The following NKAIN2 variants were observed in gnomAD, a reference collection of about 807,000 sequenced individuals.
The protein encoded by NKAIN2 is sodium/potassium transporting ATPase interacting 2.
A neutral mutation model predicts 32.6 loss-of-function variants in NKAIN2; 14 were observed. That is an observed-to-expected ratio of 0.43 (90% CI 0.28 to 0.67). NKAIN2 has a LOEUF of 0.67. NKAIN2 is among the 30% of genes least tolerant of loss of function. NKAIN2 has a pLI of 0.17. For synonymous variants in NKAIN2, 80 were observed against 87.2 expected, an observed-to-expected ratio of 0.92 and a Z score of 0.46; for missense variants, 198 against 258.3, an observed-to-expected ratio of 0.77 and a Z score of 1.60.
intron 2 of NKAIN2, among the ~76,000 whole-genome samples, chr6:124,311,158 A>G (rs1388907083): frequency 6.6e-6 from 1 of 152,148 alleles, no homozygotes; most frequent in East Asian, 1.9e-4. Context: ...GTGAAAGCAG[A>G]AAGAGGGGAC....
chr6:124,722,578 G>C (rs1776077024), intron 4 of NKAIN2, among the ~76,000 whole-genome samples: 1 of 152,146 alleles, frequency 6.6e-6, no homozygotes, highest in Admixed American at 6.6e-5. Flanking sequence ...GTTCACTATA[G>C]GGTCTGTGCT....
At position 124,032,865 on chromosome 6, in the gene NKAIN2, T is replaced by C. The variant is rs146622889; in HGVS notation, c.54+228611T>C. On this transcript the variant is annotated intron_variant, in intron 1 of 6. Coordinates refer to ENST00000368417, the MANE Select transcript of NKAIN2 (RefSeq NM_001040214.3). ...CAATGAAGGCCATATAGGAATAGTA[T>C]TAACAATATTTCCTCTCTGGTAATG... Among the ~76,000 whole-genome samples, 114 of 152,212 alleles carry C rather than the reference T, an allele frequency of 7.5e-4. 1 individual carries two copies. The highest frequency in any genetic ancestry group is 2.7e-3 in the African/African-American group (112 of 41,574).
intron 4 of NKAIN2, among the ~76,000 whole-genome samples, chr6:124,725,977 C>T (rs375218825): frequency 6.6e-6 from 1 of 152,208 alleles, no homozygotes; most frequent in African/African-American, 2.4e-5. Context: ...GTCACTCCCA[C>T]CCGAATACTG....
chr6:124,751,927 A>C (rs1777742378), intron 4 of NKAIN2, among the ~76,000 whole-genome samples: 1 of 152,050 alleles, frequency 6.6e-6, no homozygotes, highest in Non-Finnish European at 1.5e-5. Context: ...GGCTGCAGTG[A>C]GCTGTGGTTG....
intron 3 of NKAIN2, among the ~76,000 whole-genome samples, chr6:124,405,417 A>G (rs1024155061): frequency 6.6e-6 from 1 of 152,180 alleles, no homozygotes; most frequent in Admixed American, 6.5e-5. Context: ...TTCCCTATCT[A>G]GAAATGTAGG....
At chr6:123,959,084 G>C (rs1423934654) in intron 1 of NKAIN2, among the ~76,000 whole-genome samples, 1 of 152,172 alleles carries the variant, frequency 6.6e-6, no homozygotes, top group Non-Finnish European at 1.5e-5. Context: ...ACAGAGGAAA[G>C]AGAGTTTGTG....
chr6:124,031,586 T>A (rs867802222), intron 1 of NKAIN2, among the ~76,000 whole-genome samples: 3 of 152,190 alleles, frequency 2.0e-5, no homozygotes, highest in Non-Finnish European at 4.4e-5. Context: ...TTTAAATGTG[T>A]CCCAGAGATT....
intron 4 of NKAIN2, among the ~76,000 whole-genome samples, chr6:124,714,626 A>G (rs1775661983): frequency 6.6e-6 from 1 of 152,208 alleles, no homozygotes; most frequent in African/African-American, 2.4e-5. Flanking sequence ...AAAGTAAGAG[A>G]AGTTTCGCAG....
rs1369924358 is a variant in NKAIN2 at position 124,730,888 on chromosome 6, A to C, written c.475-60451A>C. The stretch of plus-strand genomic sequence containing the variant: ...AGAAAAAAACAAACAACCCCATCAA[A>C]AAGTGGGCGAAGGACATGAACAGAC... On this transcript the variant is annotated intron_variant, in intron 4 of 6. Coordinates refer to ENST00000368417, the MANE Select transcript of NKAIN2 (RefSeq NM_001040214.3). Among the ~76,000 whole-genome samples the C allele has an allele frequency of 3.7e-5, 5 of 135,488 alleles. 1 individual carries two copies. The highest frequency in any genetic ancestry group is 6.3e-5 in the Non-Finnish European group (4 of 63,474). 88.9% of individuals were successfully genotyped at this position (135,488 alleles called of 152,430 possible).
At position 124,590,249 on chromosome 6, in the gene NKAIN2, T is replaced by C. The variant is rs150466744; in HGVS notation, c.274-67937T>C. On this transcript the variant is annotated intron_variant, in intron 3 of 6. Coordinates refer to ENST00000368417, the MANE Select transcript of NKAIN2 (RefSeq NM_001040214.3). ...CAACAACTGCTACTGTGCTCAGAGG[T>C]GGTGCCTCACATCTAGTGTCAGGTC... Among the ~76,000 whole-genome samples, 16 of 152,294 alleles carry C rather than the reference T, an allele frequency of 1.1e-4. No homozygotes were observed. In the East Asian group the frequency reaches 2.3e-3, roughly 22 times the overall value.
chr6:124,612,650 C>T (rs1782735921), intron 3 of NKAIN2, among the ~76,000 whole-genome samples: 1 of 152,094 alleles, frequency 6.6e-6, no homozygotes, highest in Non-Finnish European at 1.5e-5. Flanking sequence ...ACTTTCTTTG[C>T]CTATAAAATG....
chr6:124,274,159 G>T (rs879186354), intron 1 of NKAIN2, among the ~76,000 whole-genome samples: 2 of 152,108 alleles, frequency 1.3e-5, no homozygotes, highest in Non-Finnish European at 2.9e-5. Context: ...TGCCTCTGCA[G>T]TATTATTATT....
At chr6:123,927,060 G>A (rs1482716412) in intron 1 of NKAIN2, among the ~76,000 whole-genome samples, 2 of 152,122 alleles carry the variant, frequency 1.3e-5, no homozygotes, top group African/African-American at 4.8e-5. Context: ...ACACCTCTGG[G>A]GTTATAAGCT....
chr6:123,847,019 G>A (rs1775123045), intron 1 of NKAIN2, among the ~76,000 whole-genome samples: 2 of 152,162 alleles, frequency 1.3e-5, no homozygotes, highest in Non-Finnish European at 2.9e-5. Flanking sequence ...TGTTGACTAG[G>A]AATACATTCT....
chr6:123,998,985 T>C (rs1258934465), intron 1 of NKAIN2, among the ~76,000 whole-genome samples: 64 of 151,998 alleles, frequency 4.2e-4, no homozygotes, highest in Admixed American at 4.2e-3. Context: ...ATTAATAAAA[T>C]TAATTATGTA....
chr6:124,566,184 T>G (rs1416123898), intron 3 of NKAIN2, among the ~76,000 whole-genome samples: 2 of 152,242 alleles, frequency 1.3e-5, no homozygotes, highest in Non-Finnish European at 2.9e-5. Context: ...CATGGCAAAC[T>G]AATTTTAGTG....
At chr6:124,286,644 G>T (rs1288365923) in intron 2 of NKAIN2, among the ~76,000 whole-genome samples, 2 of 103,676 alleles carry the variant, frequency 1.9e-5, no homozygotes, top group East Asian at 5.7e-4. Context: ...TTGGAAAATT[G>T]TGTGTGTGTG....
chr6:123,976,140 T>C (rs967511881), intron 1 of NKAIN2, among the ~76,000 whole-genome samples: 1 of 150,944 alleles, frequency 6.6e-6, no homozygotes, highest in African/African-American at 2.4e-5. Flanking sequence ...GAACTGTGAG[T>C]TCATTAAACC....
At chr6:124,724,186 T>C (rs912174680) in intron 4 of NKAIN2, among the ~76,000 whole-genome samples, 1 of 150,820 alleles carries the variant, frequency 6.6e-6, no homozygotes, top group Admixed American at 6.6e-5. Flanking sequence ...TCTAGAGAGG[T>C]TTAAATACTA....
Sources: allele counts gnomAD v4.1 joint callset (sites outside exome capture counted in the v4.1 genomes callset), GRCh38; gene constraint gnomAD v4.1.1; transcripts MANE v1.5; gene names NCBI Gene and HGNC (gene_info 2026-07-23, HGNC 2026-07-21).